SPTBN2: variants seen among roughly 807,000 people sequenced by gnomAD.
The protein encoded by SPTBN2 is spectrin beta chain, non-erythrocytic 2.
Under a neutral mutation model 284.2 loss-of-function variants are expected in SPTBN2, and 107 were observed. The ratio of observed to expected loss-of-function variants is 0.38; its 90% CI spans 0.32 to 0.44. SPTBN2 has a LOEUF of 0.44. Among genes scored for constraint, SPTBN2 ranks in the 20% least tolerant of loss-of-function variants. SPTBN2 has a pLI of 1.00. For synonymous variants in SPTBN2, 1,289 were observed against 1,354.8 expected, an observed-to-expected ratio of 0.95 and a Z score of 1.07; for missense variants, 2,569 against 3,287.1, an observed-to-expected ratio of 0.78 and a Z score of 5.34.
intron 3 of SPTBN2, among the ~76,000 whole-genome samples, chr11:66,717,462 C>T (rs1942198991): frequency 6.6e-6 from 1 of 152,164 alleles, no homozygotes; most frequent in South Asian, 2.1e-4. Flanking sequence ...AGCACCTCAC[C>T]CATAAGACAC....
Position 66,691,203 on chromosome 11 carries a change from C to G in SPTBN2, c.5565+81G>C. On this transcript the variant is annotated intron_variant, in intron 27 of 37. Transcript: ENST00000533211. The surrounding 1 kb of genome is among the most constrained non-coding windows in gnomAD (Gnocchi z 8.0). ...TCCTCCCAGCATTTCTGAGCTCTAC[C>G]CTAGCTCCTGGGAACTCTCCCCGGC... is the stretch of plus-strand genomic sequence containing the variant. 4.0e-6 allele frequency: 6 copies of G among 1,486,200 alleles called. No individual in the cohort carries two copies. Among genetic ancestry groups the G allele is most frequent in the Non-Finnish European group, 5.4e-6 (6 of 1,116,066 alleles). The allele number at this position is 1,486,200 out of a possible 1,614,324, so 92.1% of individuals were successfully genotyped here.
In SPTBN2 at chr11:66,691,635, C is replaced by CTTG; in HGVS notation, c.5213_5214insCAA (p.Glu1738delinsAspLys). 6.2e-7 allele frequency: 1 copy of CTTG among 1,613,836 alleles called. No individual in the cohort carries two copies. The highest frequency in any genetic ancestry group is 8.5e-7 in the Non-Finnish European group (1 of 1,180,046). On this transcript the variant is annotated protein_altering_variant, in exon 27 of 38. Transcript: ENST00000533211. The surrounding 1 kb of genome is among the most constrained non-coding windows in gnomAD (Gnocchi z 8.0). The stretch of plus-strand genomic sequence containing the variant: ...CGATGGTGCTTGTGTCCCGGGAGAA[C>CTTG]TCTCGGAATTTGTCTCGGAGCATCT...
intron 20 of SPTBN2, among the ~76,000 whole-genome samples, chr11:66,698,395 G>A (rs757307564): frequency 2.7e-4 from 41 of 152,330 alleles, no homozygotes; most frequent in Admixed American, 7.8e-4. Flanking sequence ...CAGTTATGGC[G>A]TTAAATCCAG....
rs1303766571 is a variant in SPTBN2 at position 66,691,140 on chromosome 11, A to G, written c.5565+144T>C. ...CCAAACAGAGATGTTTTCTTGGAGC[A>G]ATTTCCTCATCTCGAAATGGCCCTC... is the stretch of plus-strand genomic sequence containing the variant. On this transcript the variant is annotated intron_variant, in intron 27 of 37. Coordinates refer to ENST00000533211, the MANE Select transcript of SPTBN2 (RefSeq NM_006946.4). The surrounding 1 kb of genome is among the most constrained non-coding windows in gnomAD (Gnocchi z 8.0). 2 of 1,256,280 alleles carry G rather than the reference A, an allele frequency of 1.6e-6. No homozygotes were observed. The highest frequency in any genetic ancestry group is 2.1e-6 in the Non-Finnish European group (2 of 933,728). 77.8% of individuals were successfully genotyped at this position (1,256,280 alleles called of 1,614,324 possible).
chr11:66,741,523 C>T (rs1942895621), intron 1 of SPTBN2, among the ~76,000 whole-genome samples: 1 of 152,088 alleles, frequency 6.6e-6, no homozygotes, highest in Non-Finnish European at 1.5e-5. Flanking sequence ...GAGGTGGGTG[C>T]AGAAATGGAA....
At chr11:66,686,276 C>T (rs1281389277) in intron 37 of SPTBN2, 122 bp downstream of exon 37, 3 of 1,454,744 alleles carry the variant, frequency 2.1e-6, no homozygotes, top group Non-Finnish European at 2.9e-6. Flanking sequence ...CCGTCGCACA[C>T]ATCCAGTCTT....
Position 66,693,468 on chromosome 11 carries a change from A to T in SPTBN2, c.4594-22T>A. On this transcript the variant is annotated intron_variant, in intron 23 of 37. Coordinates refer to ENST00000533211, the MANE Select transcript of SPTBN2 (RefSeq NM_006946.4). This position sits in a 1 kb window ranked among gnomAD's most constrained non-coding sequence, Gnocchi z 5.7. Reference sequence around the variant, plus strand: ...GGGTCTGCCCATGGCCACAGAAGAGAAAATGCTGAAAGTCCTGCCCCAGCC... The same window carrying T: ...GGGTCTGCCCATGGCCACAGAAGAGTAAATGCTGAAAGTCCTGCCCCAGCC... 6.3e-7 allele frequency: 1 copy of T among 1,592,656 alleles called. No homozygotes were observed. The highest frequency in any genetic ancestry group is 8.5e-7 in the Non-Finnish European group (1 of 1,177,104).
intron 1 of SPTBN2, among the ~76,000 whole-genome samples, chr11:66,726,612 T>G (rs1942629586): frequency 6.6e-6 from 1 of 152,142 alleles, no homozygotes; most frequent in Non-Finnish European, 1.5e-5. Flanking sequence ...CAAATATCAC[T>G]TCCCCTCAGG....
intron 1 of SPTBN2, among the ~76,000 whole-genome samples, chr11:66,744,261 G>A (rs1401214417): frequency 1.3e-5 from 2 of 152,192 alleles, no homozygotes; most frequent in Non-Finnish European, 2.9e-5. Flanking sequence ...CTGTCTATAT[G>A]AAATTCAATT....
intron 1 of SPTBN2, among the ~76,000 whole-genome samples, chr11:66,741,360 T>C (rs1942894558): frequency 6.6e-6 from 1 of 152,234 alleles, no homozygotes; most frequent in Admixed American, 6.5e-5. Flanking sequence ...ATCTGTTTAC[T>C]TCCCCTTCTG....
chr11:66,696,473 A>C lies in SPTBN2; in HGVS notation c.4082T>G (p.Leu1361Arg). ...KALVSEKLRDLHRRWDELETT... is the reference protein window; with the variant it reads ...KALVSEKLRDRHRRWDELETT... ...CTCCAGCTCGTCCCAGCGCCTGTGC[A>C]GGTCTCTCAGCTTCTCCGACACCAG... Residue 1361 changes from leucine to arginine, a missense_variant, in exon 21 of 38, where the codon CTG becomes CGG. Leu to Arg is a moderately radical substitution (Grantham distance 102). This residue lies in a region of SPTBN2 where 50 missense variants were observed against 48.1 expected (regional missense o/e 1.04). Coordinates refer to ENST00000533211, the MANE Select transcript of SPTBN2 (RefSeq NM_006946.4). 6.2e-7 allele frequency: 1 copy of C among 1,612,538 alleles called. No homozygotes were observed. The highest frequency in any genetic ancestry group is 8.5e-7 in the Non-Finnish European group (1 of 1,180,030).
At chr11:66,731,207 C>T (rs1352154993), upstream of SPTBN2, among the ~76,000 whole-genome samples, 1 of 152,122 alleles carries the variant, frequency 6.6e-6, no homozygotes, top group Non-Finnish European at 1.5e-5. Context: ...CATACTGTTT[C>T]CCGATTTGGA....
chr11:66,695,629 T>C (rs541910615), intron 21 of SPTBN2, among the ~76,000 whole-genome samples: 4 of 152,270 alleles, frequency 2.6e-5, no homozygotes, highest in South Asian at 2.1e-4. Context: ...GGCTGTGACA[T>C]AGACCTTACG....
In SPTBN2 at chr11:66,685,607, G is replaced by A. The variant is rs1172465439; in HGVS notation, c.*264C>T. The A allele has an allele frequency of 1.2e-5, 6 of 485,178 alleles. No individual in the cohort carries two copies. The highest frequency in any genetic ancestry group is 3.2e-5 in the Admixed American group (1 of 31,104). 30.1% of individuals were successfully genotyped at this position (485,178 alleles called of 1,614,324 possible). ...ACACCGTGGTGAGGGACAGAGGCAC[G>A]AGGCTGGGGAAAGGGGAGAAGTCGG... On this transcript the variant is annotated 3_prime_UTR_variant, in exon 38 of 38. Transcript: ENST00000533211. This position sits in a 1 kb window ranked among gnomAD's most constrained non-coding sequence, Gnocchi z 4.4.
chr11:66,709,885 C>T (rs1442795488), intron 10 of SPTBN2, among the ~76,000 whole-genome samples: 2 of 152,226 alleles, frequency 1.3e-5, no homozygotes, highest in East Asian at 3.8e-4. Flanking sequence ...CTCTGCAATT[C>T]TCACGTTACC....
At chr11:66,733,427 G>A (rs755634082), upstream of SPTBN2, among the ~76,000 whole-genome samples, 1 of 152,056 alleles carries the variant, frequency 6.6e-6, no homozygotes, top group South Asian at 2.1e-4. Flanking sequence ...GGGTGGTGGT[G>A]AGGAAAAAGG....
In SPTBN2 at chr11:66,687,880, G is replaced by A; in HGVS notation, c.6489C>T (p.Phe2163=). Residue 2163 remains phenylalanine (F), a synonymous_variant, in exon 34 of 38, where the codon TTC becomes TTT. Transcript: ENST00000533211. This position sits in a 1 kb window ranked among gnomAD's most constrained non-coding sequence, Gnocchi z 5.2. ...CAGGGGAACTCACCGGCCCTTCGGG[G>A]AAGCTGCTGTGCTCAAGTCTCTGTT... ...LGQQRLEHSS[F]PEGPGPGSGD... 6.2e-7 allele frequency: 1 copy of A among 1,614,174 alleles called. No homozygotes were observed. Among genetic ancestry groups the A allele is most frequent in the Non-Finnish European group, 8.5e-7 (1 of 1,180,034 alleles).
chr11:66,729,490 T>C (rs1350359404), upstream of SPTBN2, among the ~76,000 whole-genome samples: 2 of 152,146 alleles, frequency 1.3e-5, no homozygotes. Context: ...GAGTGAATTA[T>C]TGGATTTAAG....
Position 66,693,396 on chromosome 11 carries a change from C to A in SPTBN2, c.4644G>T (p.Arg1548Ser), listed in dbSNP as rs1393713562. The A allele has an allele frequency of 5.6e-6, 9 of 1,601,350 alleles. No homozygotes were observed. In the Admixed American group the frequency reaches 6.7e-5, roughly 12 times the overall value. The change falls in exon 24 of 38, where the codon AGG (arginine) becomes AGT (serine). Residue 1548 changes from arginine to serine, a missense_variant. Arg to Ser is a moderately radical substitution (Grantham distance 110). Transcript: ENST00000533211. The surrounding 1 kb of genome is among the most constrained non-coding windows in gnomAD (Gnocchi z 5.7). ...QGHEPRIADL[R>S]ERQRALGAAA... ...CTGCACCTAGAGCACGCTGCCGCTC[C>A]CTCAGGTCCGCGATCCGGGGCTCAT...
Sources: allele counts gnomAD v4.1 joint callset (sites outside exome capture counted in the v4.1 genomes callset), GRCh38; gene constraint gnomAD v4.1.1; regional missense constraint gnomAD v4.1.1; non-coding constraint Gnocchi (gnomAD v3.1); transcripts MANE v1.5; gene names NCBI Gene and HGNC (gene_info 2026-07-23, HGNC 2026-07-21).